Variants in NTM observed in about 807,000 individuals in gnomAD.
The protein encoded by NTM is IgLON family member 2.
A neutral mutation model predicts 42.1 loss-of-function variants in NTM; 13 were observed. That is an observed-to-expected ratio of 0.31 (90% CI 0.20 to 0.49). The LOEUF (loss-of-function observed/expected upper bound fraction) is 0.49. Ranked by LOEUF, NTM falls within the 20% of genes least tolerant of loss-of-function variation. The pLI, the probability that NTM is intolerant of heterozygous loss-of-function variation, is 0.99. For missense variants in NTM, 373 were observed against 452.8 expected (o/e 0.82, Z 1.60); for synonymous variants, 187 against 179.2 (o/e 1.04, Z -0.35).
intron 7 of NTM, among the ~76,000 whole-genome samples, chr11:132,315,320 C>T (rs77965113): frequency 6.6e-6 from 1 of 152,294 alleles, no homozygotes; most frequent in Non-Finnish European, 1.5e-5. Flanking sequence ...CTTGTAAACC[C>T]TGATGCCTGC....
intron 8 of NTM, chr11:132,332,491 G>GTCT (rs1474269920): frequency 2.0e-5 from 3 of 152,172 alleles, no homozygotes; most frequent in African/African-American, 7.2e-5. Context: ...GCCTTTTTCT[G>GTCT]TCTTCCATAG....
At chr11:131,756,958 T>G (rs1007345209) in intron 1 of NTM, among the ~76,000 whole-genome samples, 1 of 152,194 alleles carries the variant, frequency 6.6e-6, no homozygotes, top group African/African-American at 2.4e-5. Flanking sequence ...ATCCAGCAAT[T>G]TTATGATTCA....
intron 1 of NTM, among the ~76,000 whole-genome samples, chr11:131,453,541 T>TAA (rs35668574): frequency 7.8e-4 from 118 of 150,702 alleles, no homozygotes; most frequent in Middle Eastern, 3.4e-3. Context: ...AGACTTTCAT[T>TAA]AAAAAAAAAT....
At chr11:131,952,281 A>G (rs893362272) in intron 2 of NTM, among the ~76,000 whole-genome samples, 2 of 152,230 alleles carry the variant, frequency 1.3e-5, no homozygotes, top group Admixed American at 6.5e-5. Context: ...AACTTGAATT[A>G]TAGATGTATG....
chr11:131,394,750 A>G (rs947919403), intron 1 of NTM, among the ~76,000 whole-genome samples: 2 of 152,170 alleles, frequency 1.3e-5, no homozygotes, highest in Admixed American at 1.3e-4. Context: ...GAACTCAGGC[A>G]TCTCAGCGTC....
At chr11:131,608,598 C>A (rs2061200306) in intron 1 of NTM, among the ~76,000 whole-genome samples, 1 of 152,080 alleles carries the variant, frequency 6.6e-6, no homozygotes, top group Admixed American at 6.5e-5. Flanking sequence ...GTGCATGAAG[C>A]CACGGCCCTC....
intron 1 of NTM, among the ~76,000 whole-genome samples, chr11:131,865,721 C>A (rs1031838245): frequency 9.1e-6 from 1 of 109,748 alleles, no homozygotes; most frequent in African/African-American, 3.8e-5. Flanking sequence ...CACTGACACA[C>A]CCCACCTGCT....
At chr11:131,906,253 G>A (rs1184421406) in intron 1 of NTM, among the ~76,000 whole-genome samples, 1 of 151,924 alleles carries the variant, frequency 6.6e-6, no homozygotes, top group Non-Finnish European at 1.5e-5. Context: ...TCTCTCTCTC[G>A]GCCACAGATG....
At chr11:132,155,437 T>C (rs2072953061) in intron 3 of NTM, among the ~76,000 whole-genome samples, 1 of 152,174 alleles carries the variant, frequency 6.6e-6, no homozygotes, top group African/African-American at 2.4e-5. Context: ...TGCAATCCTC[T>C]AGATGGGGAA....
At chr11:131,961,105 A>G (rs1334636111) in intron 2 of NTM, among the ~76,000 whole-genome samples, 1 of 152,162 alleles carries the variant, frequency 6.6e-6, no homozygotes, top group Non-Finnish European at 1.5e-5. Flanking sequence ...GTTGCTACCC[A>G]AAGGGTGGGC....
intron 1 of NTM, chr11:131,909,769 G>A (rs1200042696): frequency 6.6e-6 from 1 of 152,316 alleles, no homozygotes; most frequent in Non-Finnish European, 1.5e-5. Context: ...CCAGAGAGGA[G>A]AAGTGACAGG....
intron 2 of NTM, among the ~76,000 whole-genome samples, chr11:131,934,569 T>C (rs1016580209): frequency 1.3e-5 from 2 of 152,218 alleles, no homozygotes; most frequent in East Asian, 1.9e-4. Context: ...CTTATGGTCT[T>C]GTGAGAGGAG....
chr11:131,509,407 C>T (rs1331298266), intron 1 of NTM, among the ~76,000 whole-genome samples: 2 of 152,206 alleles, frequency 1.3e-5, no homozygotes, highest in Non-Finnish European at 2.9e-5. Flanking sequence ...CTTCAGCTGC[C>T]TTCTTCTCCC....
At chr11:131,460,041 G>A (rs1209585531) in intron 1 of NTM, among the ~76,000 whole-genome samples, 1 of 152,210 alleles carries the variant, frequency 6.6e-6, no homozygotes. Flanking sequence ...CAGAAAGTAT[G>A]ATGTGTCGTT....
intron 2 of NTM, among the ~76,000 whole-genome samples, chr11:132,076,842 T>A (rs1278501938): frequency 6.6e-6 from 1 of 152,156 alleles, no homozygotes; most frequent in Non-Finnish European, 1.5e-5. Context: ...AATTACAAAT[T>A]TATTATATCT....
intron 1 of NTM, among the ~76,000 whole-genome samples, chr11:131,616,886 A>G (rs1360112151): frequency 1.3e-5 from 2 of 151,820 alleles, no homozygotes; most frequent in African/African-American, 2.4e-5. Flanking sequence ...CCTCTGTAGC[A>G]TATCTCTGCT....
intron 1 of NTM, among the ~76,000 whole-genome samples, chr11:131,869,864 C>G (rs1565652615): frequency 6.6e-6 from 1 of 152,212 alleles, no homozygotes; most frequent in Non-Finnish European, 1.5e-5. Context: ...ACGGCTCTCA[C>G]TCACCTTTCC....
chr11:132,034,806 C>G (rs1429524379), intron 2 of NTM, among the ~76,000 whole-genome samples: 1 of 152,144 alleles, frequency 6.6e-6, no homozygotes, highest in Non-Finnish European at 1.5e-5. Flanking sequence ...CTTGTTTGTT[C>G]CATTGATGAC....
At chr11:132,217,356 T>TG (rs1491403568) in intron 4 of NTM, among the ~76,000 whole-genome samples, 21,431 of 134,002 alleles carry the variant, frequency 0.16, 1,680 homozygotes, top group Middle Eastern at 0.23. Context: ...CTCTCTCTCT[T>TG]TCTGTGTGTG....
Sources: gnomAD v4.1 joint callset for allele counts (sites outside exome capture counted in the v4.1 genomes callset) on GRCh38, gnomAD v4.1.1 for gene constraint, MANE v1.5 for transcripts, NCBI Gene and HGNC (gene_info 2026-07-23, HGNC 2026-07-21) for gene names.